RGS6: variants seen among roughly 807,000 people sequenced by gnomAD.
RGS6 encodes the protein regulator of G protein signaling 6.
RGS6 carries 30 observed loss-of-function variants against 78.5 expected under a neutral mutation model. That is an observed-to-expected ratio of 0.38 (90% CI 0.29 to 0.52). RGS6 has a LOEUF of 0.52. Among genes scored for constraint, RGS6 ranks in the 20% least tolerant of loss-of-function variants. The pLI, the probability that RGS6 is intolerant of heterozygous loss-of-function variation, is 0.85. For missense variants in RGS6, 495 were observed against 609.7 expected, an observed-to-expected ratio of 0.81 and a Z score of 1.98; for synonymous variants, 206 against 206.0, an observed-to-expected ratio of 1.00 and a Z score of 0.00.
chr14:72,152,435 G>A (rs994994855), intron 2 of RGS6, among the ~76,000 whole-genome samples: 2 of 152,152 alleles, frequency 1.3e-5, no homozygotes, highest in Admixed American at 1.3e-4. Flanking sequence ...AGCAATTAAA[G>A]CAGCTGCCAT....
intron 2 of RGS6, among the ~76,000 whole-genome samples, chr14:72,236,307 G>T (rs564032490): frequency 1.1e-4 from 16 of 152,112 alleles, no homozygotes; most frequent in African/African-American, 3.9e-4. Context: ...CTTATTTTTG[G>T]TGTATTTTAA....
At chr14:72,473,075 G>A (rs960189041) in intron 9 of RGS6, 122 bp downstream of exon 9, 9 of 627,622 alleles carry the variant, frequency 1.4e-5, no homozygotes, top group Middle Eastern at 7.0e-4. Context: ...GCTCAGCTTT[G>A]TGGAACTGGT....
At chr14:71,995,944 C>G (rs1302982641) in intron 2 of RGS6, among the ~76,000 whole-genome samples, 1 of 152,072 alleles carries the variant, frequency 6.6e-6, no homozygotes, top group Non-Finnish European at 1.5e-5. Flanking sequence ...GCCGAGTCCC[C>G]TGTGCTTTCT....
intron 13 of RGS6, among the ~76,000 whole-genome samples, chr14:72,507,155 T>C (rs1228897083): frequency 6.6e-6 from 1 of 151,624 alleles, no homozygotes; most frequent in Non-Finnish European, 1.5e-5. Flanking sequence ...GACAACAGAG[T>C]GAGACTCCAT....
intron 2 of RGS6, among the ~76,000 whole-genome samples, chr14:72,281,144 CTTT>C (rs11381940): frequency 4.4e-5 from 5 of 112,836 alleles, no homozygotes; most frequent in Admixed American, 9.0e-5. Flanking sequence ...AAACAAGATT[CTTT>C]TTTTTTTTTT....
Position 72,477,161 on chromosome 14 carries a change from A to T in RGS6, c.792+321A>T. On this transcript the variant is annotated intron_variant, in intron 11 of 17. Coordinates refer to ENST00000553525, the MANE Select transcript of RGS6 (RefSeq NM_001204424.2). Reference sequence around the variant, plus strand: ...AGGAAGGAGGGGGCTCATGTCACACAGTCCTTATAATTGGAATGCACCAGC... The same window carrying T: ...AGGAAGGAGGGGGCTCATGTCACACTGTCCTTATAATTGGAATGCACCAGC... 1.1e-5 allele frequency: 3 copies of T among 284,276 alleles called. No homozygotes were observed. In the South Asian group the frequency reaches 1.5e-4, roughly 15 times the overall value. 17.6% of individuals were successfully genotyped at this position (284,276 alleles called of 1,614,324 possible).
chr14:71,980,335 T>A (rs1035731819), intron 2 of RGS6, among the ~76,000 whole-genome samples: 11 of 147,612 alleles, frequency 7.5e-5, no homozygotes, highest in Admixed American at 7.4e-4. Context: ...GCTCGTTAGT[T>A]GATGCAGTTT....
intron 2 of RGS6, among the ~76,000 whole-genome samples, chr14:72,151,984 G>A (rs780255025): frequency 1.6e-4 from 25 of 152,074 alleles, no homozygotes; most frequent in Non-Finnish European, 1.8e-4. Context: ...TATGGGCTAC[G>A]TCCTTTACTT....
intron 2 of RGS6, among the ~76,000 whole-genome samples, chr14:72,271,840 C>T (rs575269005): frequency 2.6e-5 from 4 of 152,074 alleles, no homozygotes; most frequent in South Asian, 2.1e-4. Context: ...TTCTAGAGGC[C>T]GCTGGCATTC....
At chr14:72,580,212 C>T in the RGS6 span, among the ~76,000 whole-genome samples, 1 of 151,934 alleles carries the variant, frequency 6.6e-6, no homozygotes, top group African/African-American at 2.4e-5. Flanking sequence ...GTAGTGACAC[C>T]TTTCTCCAAG....
At chr14:72,518,284 G>C (rs1336744548) in intron 14 of RGS6, 67 bp from the exon 15 acceptor site, 2 of 1,487,830 alleles carry the variant, frequency 1.3e-6, no homozygotes, top group Non-Finnish European at 1.8e-6. Flanking sequence ...TCAGCTCTGG[G>C]GCCATCTCAG....
chr14:72,540,639 CGT>C (rs1163871961), intron 17 of RGS6: 12 of 1,428,262 alleles, frequency 8.4e-6, no homozygotes, highest in Non-Finnish European at 1.1e-5. Flanking sequence ...GCCTAGCTGG[CGT>C]GTGTGTTAGT....
intron 2 of RGS6, among the ~76,000 whole-genome samples, chr14:72,232,681 T>A (rs1189592220): frequency 6.6e-6 from 1 of 152,042 alleles, no homozygotes; most frequent in East Asian, 1.9e-4. Context: ...GGGACTCTCC[T>A]GTGAAAGGGG....
chr14:71,964,666 GT>G, intron 1 of RGS6, 105 bp from the exon 2 acceptor site: 1 of 708,482 alleles, frequency 1.4e-6, no homozygotes. Context: ...GTAATATCAT[GT>G]TTTTGTTCAT....
chr14:72,574,422 G>C, the RGS6 span, among the ~76,000 whole-genome samples: 4 of 152,176 alleles, frequency 2.6e-5, no homozygotes, highest in Non-Finnish European at 5.9e-5. Flanking sequence ...AGGAAGGCAG[G>C]AGTGTGTCTC....
chr14:71,877,626 C>T, the RGS6 span, among the ~76,000 whole-genome samples: 1 of 152,156 alleles, frequency 6.6e-6, no homozygotes, highest in African/African-American at 2.4e-5. Context: ...TTTGAACATC[C>T]TCCTTTAGCT....
At chr14:72,420,371 A>C (rs974281391) in intron 3 of RGS6, among the ~76,000 whole-genome samples, 1 of 152,210 alleles carries the variant, frequency 6.6e-6, no homozygotes, top group African/African-American at 2.4e-5. Context: ...GGGAATCAGG[A>C]TTTGCTGCAG....
At chr14:72,596,923 G>A in the RGS6 span, among the ~76,000 whole-genome samples, 279 of 152,210 alleles carry the variant, frequency 1.8e-3, 3 homozygotes, top group African/African-American at 6.4e-3. Flanking sequence ...TCTGTAAAAC[G>A]GGTAGAATAA....
At chr14:72,222,095 T>C (rs1017888580) in intron 2 of RGS6, among the ~76,000 whole-genome samples, 2 of 152,260 alleles carry the variant, frequency 1.3e-5, no homozygotes, top group African/African-American at 4.8e-5. Context: ...AATCAACTAA[T>C]ACTAGCATTG....
Sources: gnomAD v4.1 joint callset for allele counts (sites outside exome capture counted in the v4.1 genomes callset) on GRCh38, gnomAD v4.1.1 for gene constraint, MANE v1.5 for transcripts, NCBI Gene and HGNC (gene_info 2026-07-23, HGNC 2026-07-21) for gene names.